Variants in CNTN5 observed in about 807,000 individuals in gnomAD.
CNTN5 encodes the protein contactin 5, also known as contactin-5.
CNTN5 carries 77 observed loss-of-function variants against 129.1 expected under a neutral mutation model. The observed-to-expected ratio is 0.60, with a 90% CI of 0.50 to 0.72. The LOEUF is 0.72. CNTN5 is among the 30% of genes least tolerant of loss of function. CNTN5 has a pLI of 0.00. For synonymous variants in CNTN5, 509 were observed against 465.6 expected, an observed-to-expected ratio of 1.09 and a Z score of -1.20; for missense variants, 1,478 against 1,328.8, an observed-to-expected ratio of 1.11 and a Z score of -1.75.
At chr11:99,122,235 A>G (rs1858378640) in intron 1 of CNTN5, among the ~76,000 whole-genome samples, 1 of 152,128 alleles carries the variant, frequency 6.6e-6, no homozygotes, top group African/African-American at 2.4e-5. Context: ...TTGCTTTAGG[A>G]ACAGTTGTCA....
Position 99,845,161 on chromosome 11 carries a change from T to C in CNTN5, c.476T>C (p.Ile159Thr), listed in dbSNP as rs759626495. The C allele has an allele frequency of 1.2e-5, 19 of 1,613,780 alleles. No homozygotes were observed. The South Asian group carries it at 2.0e-4, about 17-fold the overall frequency. The change falls in exon 6 of 25, where the codon ATA becomes ACA. Residue 159 changes from isoleucine to threonine, a missense_variant. Ile to Thr is a moderately conservative substitution (Grantham distance 89, BLOSUM62 -1). Coordinates refer to ENST00000524871, the MANE Select transcript of CNTN5 (RefSeq NM_014361.4). Reference sequence around the variant, plus strand: ...AGTTTGATAGATGGCACCTTCATTATAAGCAATCCAAGTGAAGCAAAGGAT... The same window carrying C: ...AGTTTGATAGATGGCACCTTCATTACAAGCAATCCAAGTGAAGCAAAGGAT... Reference protein sequence around the residue: ...RYSLIDGTFIISNPSEAKDSG... With the variant: ...RYSLIDGTFITSNPSEAKDSG...
At chr11:99,107,833 A>G (rs1265770057) in intron 1 of CNTN5, among the ~76,000 whole-genome samples, 1 of 150,376 alleles carries the variant, frequency 6.6e-6, no homozygotes, top group Non-Finnish European at 1.5e-5. Context: ...CGGGAGGCTG[A>G]GGCAGGAGAA....
chr11:99,708,570 C>T (rs1207829381), intron 3 of CNTN5, among the ~76,000 whole-genome samples: 3 of 151,688 alleles, frequency 2.0e-5, no homozygotes, highest in South Asian at 4.1e-4. Context: ...ATGAAAAAGG[C>T]ACCATTCTGA....
chr11:100,071,601 T>C (rs1943925941), intron 11 of CNTN5, 104 bp from the exon 12 acceptor site: 1 of 719,482 alleles, frequency 1.4e-6, no homozygotes, highest in Admixed American at 3.6e-5. Flanking sequence ...AATGTTTAAC[T>C]GTATTAATTG....
At chr11:100,002,187 CAT>C in intron 9 of CNTN5, 51 bp downstream of exon 9, 1 of 1,189,312 alleles carries the variant, frequency 8.4e-7, no homozygotes, top group African/African-American at 1.6e-5. Flanking sequence ...TAAAATGTGA[CAT>C]ATCTTATTTT....
At chr11:99,784,614 G>T (rs1036667116) in intron 3 of CNTN5, among the ~76,000 whole-genome samples, 7 of 151,910 alleles carry the variant, frequency 4.6e-5, no homozygotes, top group African/African-American at 1.5e-4. Flanking sequence ...GGGTCAAATG[G>T]TATTTCTGGT....
intron 2 of CNTN5, among the ~76,000 whole-genome samples, chr11:99,522,978 A>T (rs191477204): frequency 6.6e-6 from 1 of 152,346 alleles, no homozygotes; most frequent in South Asian, 2.1e-4. Flanking sequence ...ATTCCAAAAA[A>T]GTCCAAGATA....
At chr11:100,286,960 C>A (rs1351266989) in intron 18 of CNTN5, among the ~76,000 whole-genome samples, 1 of 152,028 alleles carries the variant, frequency 6.6e-6, no homozygotes, top group East Asian at 1.9e-4. Context: ...GTGAAGAATG[C>A]AGAAGCCTCA....
At chr11:99,573,051 C>T (rs1381915208) in intron 3 of CNTN5, among the ~76,000 whole-genome samples, 1 of 151,916 alleles carries the variant, frequency 6.6e-6, no homozygotes, top group Non-Finnish European at 1.5e-5. Flanking sequence ...AAGAAATAAA[C>T]AGTTGTTATT....
chr11:100,042,398 A>T (rs1591116098), intron 9 of CNTN5, among the ~76,000 whole-genome samples: 1 of 152,190 alleles, frequency 6.6e-6, no homozygotes, highest in Non-Finnish European at 1.5e-5. Flanking sequence ...CAAGTCACAA[A>T]GGAGCCATAA....
In CNTN5 at chr11:99,904,829, C is replaced by A. The variant is rs182081565; in HGVS notation, c.578-11225C>A. ...TTGTTTCCTGACCTTTTAGTGATTG[C>A]CATTCTAAATGGCATGAGATGGTAT... On this transcript the variant is annotated intron_variant, in intron 6 of 24. Coordinates refer to ENST00000524871, the MANE Select transcript of CNTN5 (RefSeq NM_014361.4). 1.7e-3 allele frequency among the ~76,000 whole-genome samples: 252 copies of A among 152,270 alleles called. 1 individual carries two copies. The highest frequency in any genetic ancestry group is 5.9e-3 in the African/African-American group (244 of 41,546).
chr11:99,307,756 C>A (rs1443044170), intron 1 of CNTN5, among the ~76,000 whole-genome samples: 1 of 152,040 alleles, frequency 6.6e-6, no homozygotes, highest in Non-Finnish European at 1.5e-5. Context: ...AAGTTGGAGG[C>A]CAATTTTTTG....
chr11:99,703,484 G>C (rs1165302579), intron 3 of CNTN5, among the ~76,000 whole-genome samples: 1 of 150,576 alleles, frequency 6.6e-6, no homozygotes, highest in Non-Finnish European at 1.5e-5. Context: ...TCAGTGCTTA[G>C]TATCTCCTAA....
At chr11:99,266,581 A>C (rs1448334786) in intron 1 of CNTN5, among the ~76,000 whole-genome samples, 2 of 152,140 alleles carry the variant, frequency 1.3e-5, no homozygotes, top group Non-Finnish European at 2.9e-5. Flanking sequence ...CAGCCTGGGC[A>C]ACAGAGCAAG....
At chr11:100,153,319 A>T (rs1250799430) in intron 13 of CNTN5, among the ~76,000 whole-genome samples, 1 of 152,238 alleles carries the variant, frequency 6.6e-6, no homozygotes, top group African/African-American at 2.4e-5. Context: ...CGATTTCAGT[A>T]AAGTTATATT....
At chr11:99,410,898 C>T (rs1942361729) in intron 2 of CNTN5, among the ~76,000 whole-genome samples, 1 of 152,178 alleles carries the variant, frequency 6.6e-6, no homozygotes, top group South Asian at 2.1e-4. Context: ...GTTTTGTGCA[C>T]TCTCCTTTAA....
At chr11:99,184,889 G>C (rs1422856221) in intron 1 of CNTN5, among the ~76,000 whole-genome samples, 7 of 151,904 alleles carry the variant, frequency 4.6e-5, no homozygotes, top group Non-Finnish European at 1.0e-4. Flanking sequence ...ATTGATAAAA[G>C]ACTAGTCATT....
At chr11:99,271,431 T>G (rs1863166105) in intron 1 of CNTN5, among the ~76,000 whole-genome samples, 1 of 151,904 alleles carries the variant, frequency 6.6e-6, no homozygotes, top group Non-Finnish European at 1.5e-5. Flanking sequence ...TGACAAAATT[T>G]ATTCATTTTT....
intron 13 of CNTN5, among the ~76,000 whole-genome samples, chr11:100,176,767 T>C (rs1390471383): frequency 2.0e-5 from 3 of 152,032 alleles, no homozygotes; most frequent in African/African-American, 7.2e-5. Context: ...TAGTATAACA[T>C]ACTTGCTTTT....
Sources: gnomAD v4.1 joint callset for allele counts (sites outside exome capture counted in the v4.1 genomes callset) on GRCh38, gnomAD v4.1.1 for gene constraint, MANE v1.5 for transcripts, NCBI Gene and HGNC (gene_info 2026-07-23, HGNC 2026-07-21) for gene names.